The following XKR6 variants were observed in gnomAD, a reference collection of about 807,000 sequenced individuals.
The protein encoded by XKR6 is XK-related protein 6.
Under a neutral mutation model 56.7 loss-of-function variants are expected in XKR6, and 22 were observed. The ratio of observed to expected loss-of-function variants is 0.39; its 90% CI spans 0.28 to 0.55. The LOEUF is 0.55. Ranked by LOEUF, XKR6 falls within the 20% of genes least tolerant of loss-of-function variation. XKR6 has a pLI of 0.66. For missense variants in XKR6, 852 were observed against 889.0 expected (o/e 0.96, Z 0.53); for synonymous variants, 524 against 387.8 (o/e 1.35, Z -4.13).
chr8:10,953,870 A>G (rs1801801091), intron 1 of XKR6, among the ~76,000 whole-genome samples: 1 of 152,154 alleles, frequency 6.6e-6, no homozygotes, highest in African/African-American at 2.4e-5. Flanking sequence ...TTCTGTCTCT[A>G]TGGATTAGCC....
intron 1 of XKR6, among the ~76,000 whole-genome samples, chr8:10,931,334 G>T (rs1348297177): frequency 6.6e-6 from 1 of 152,074 alleles, no homozygotes; most frequent in African/African-American, 2.4e-5. Flanking sequence ...ATGCAATATA[G>T]TAAGATGACA....
chr8:11,103,948 G>A (rs773981725), intron 1 of XKR6, among the ~76,000 whole-genome samples: 39 of 152,192 alleles, frequency 2.6e-4, no homozygotes, highest in South Asian at 1.4e-3. Context: ...ATTGCTGACA[G>A]CTGTCGTACC....
intron 1 of XKR6, among the ~76,000 whole-genome samples, chr8:10,967,223 T>C (rs1802253465): frequency 6.6e-6 from 1 of 152,204 alleles, no homozygotes; most frequent in Non-Finnish European, 1.5e-5. Context: ...GTTTACTCAT[T>C]TGTGAAAGCG....
At chr8:10,954,473 G>T (rs1434095510) in intron 1 of XKR6, among the ~76,000 whole-genome samples, 1 of 152,320 alleles carries the variant, frequency 6.6e-6, no homozygotes, top group East Asian at 1.9e-4. Context: ...TTGAAGAAAT[G>T]TCTATTGAAA....
chr8:10,910,235 C>G (rs957667531), intron 2 of XKR6, among the ~76,000 whole-genome samples: 1 of 152,062 alleles, frequency 6.6e-6, no homozygotes, highest in African/African-American at 2.4e-5. Flanking sequence ...CAAATATAAT[C>G]GCGCTGAGGT....
At chr8:11,101,331 C>G (rs988037969) in intron 1 of XKR6, among the ~76,000 whole-genome samples, 1 of 152,104 alleles carries the variant, frequency 6.6e-6, no homozygotes, top group African/African-American at 2.4e-5. Context: ...GCAGAGCGGC[C>G]TTGAAAAAGA....
intron 1 of XKR6, chr8:11,108,186 A>C (rs951164459): frequency 9.1e-6 from 4 of 437,816 alleles, no homozygotes; most frequent in African/African-American, 8.1e-5. Context: ...TTAAATGTCC[A>C]CTACACTTAT....
At chr8:11,097,564 T>C (rs968055516) in intron 1 of XKR6, among the ~76,000 whole-genome samples, 11 of 151,816 alleles carry the variant, frequency 7.2e-5, no homozygotes, top group Admixed American at 4.6e-4. Context: ...TCCCAGCACT[T>C]TGGGAGGCCG....
At chr8:11,106,859 A>AT (rs965561099) in intron 1 of XKR6, among the ~76,000 whole-genome samples, 3 of 149,102 alleles carry the variant, frequency 2.0e-5, no homozygotes, top group Admixed American at 6.7e-5. Context: ...TCAAAAAAAA[A>AT]AAAAAATAAA....
At chr8:11,181,852 GA>G (rs1391266874) in intron 1 of XKR6, among the ~76,000 whole-genome samples, 1 of 151,920 alleles carries the variant, frequency 6.6e-6, no homozygotes, top group Non-Finnish European at 1.5e-5. Context: ...AGCTGTTCCT[GA>G]TTTTTTTTTT....
At chr8:11,130,542 T>C (rs750715510) in intron 1 of XKR6, among the ~76,000 whole-genome samples, 2 of 151,710 alleles carry the variant, frequency 1.3e-5, no homozygotes, top group African/African-American at 4.8e-5. Flanking sequence ...CCGTAGTCTC[T>C]GTAGACTTCC....
chr8:11,080,698 G>A (rs897726495), intron 1 of XKR6, among the ~76,000 whole-genome samples: 1 of 152,234 alleles, frequency 6.6e-6, no homozygotes, highest in Non-Finnish European at 1.5e-5. Context: ...TAATTCGGAG[G>A]AGGAGGAGCC....
intron 1 of XKR6, among the ~76,000 whole-genome samples, chr8:11,067,485 T>C (rs1229914072): frequency 6.6e-6 from 1 of 152,266 alleles, no homozygotes; most frequent in African/African-American, 2.4e-5. Flanking sequence ...TCTAGGATTC[T>C]AAATTAGTAA....
At chr8:11,130,597 T>C (rs912381490) in intron 1 of XKR6, among the ~76,000 whole-genome samples, 1 of 151,352 alleles carries the variant, frequency 6.6e-6, no homozygotes, top group Non-Finnish European at 1.5e-5. Flanking sequence ...TAAGACGGCC[T>C]TTTCTCCCTC....
At chr8:11,190,950 C>T (rs74808912) in intron 1 of XKR6, among the ~76,000 whole-genome samples, 1,685 of 152,248 alleles carry the variant, frequency 0.011, 37 homozygotes, top group African/African-American at 0.039. Flanking sequence ...AATTTCTCTA[C>T]GCCTCCTCCA....
At chr8:10,944,118 C>G (rs1236885592) in intron 1 of XKR6, among the ~76,000 whole-genome samples, 2 of 152,146 alleles carry the variant, frequency 1.3e-5, no homozygotes, top group Non-Finnish European at 2.9e-5. Context: ...CCCCCCAGCC[C>G]ACCACGGTAA....
chr8:10,914,040 T>G (rs1013398109), intron 2 of XKR6, among the ~76,000 whole-genome samples: 3 of 152,190 alleles, frequency 2.0e-5, no homozygotes, highest in African/African-American at 7.2e-5. Flanking sequence ...GGATGGCCCT[T>G]GGGCAAATTC....
At chr8:10,996,150 T>C (rs1184802844) in intron 1 of XKR6, among the ~76,000 whole-genome samples, 1 of 152,242 alleles carries the variant, frequency 6.6e-6, no homozygotes, top group Non-Finnish European at 1.5e-5. Context: ...TCATTATCTG[T>C]TACCAACTTC....
intron 1 of XKR6, among the ~76,000 whole-genome samples, chr8:11,007,591 C>G (rs1197446192): frequency 1.3e-5 from 2 of 152,158 alleles, no homozygotes; most frequent in Non-Finnish European, 2.9e-5. Flanking sequence ...ATGCCTGACC[C>G]ACAGAGGAAG....
Sources: allele counts gnomAD v4.1 joint callset (sites outside exome capture counted in the v4.1 genomes callset), GRCh38; gene constraint gnomAD v4.1.1; transcripts MANE v1.5; gene names NCBI Gene and HGNC (gene_info 2026-07-23, HGNC 2026-07-21).